The following ZRANB3 variants were observed in gnomAD, a reference collection of about 807,000 sequenced individuals.
ZRANB3 encodes the protein zinc finger RANBP2-type containing 3, also known as DNA annealing helicase and endonuclease ZRANB3.
A neutral mutation model predicts 133.8 loss-of-function variants in ZRANB3; 125 were observed. The observed-to-expected ratio is 0.93, with a 90% CI of 0.81 to 1.08. The LOEUF (loss-of-function observed/expected upper bound fraction) is 1.08. ZRANB3 is among the 50% of genes least tolerant of loss of function. The pLI is 0.00. For missense variants in ZRANB3, 1,229 were observed against 1,275.5 expected, an observed-to-expected ratio of 0.96 and a Z score of 0.56; for synonymous variants, 387 against 432.7, an observed-to-expected ratio of 0.89 and a Z score of 1.31.
At chr2:135,414,162 T>C (rs573886365) in intron 2 of ZRANB3, among the ~76,000 whole-genome samples, 86 of 152,136 alleles carry the variant, frequency 5.7e-4, no homozygotes, top group Admixed American at 3.8e-3. Context: ...GACTGGCAAA[T>C]TGGATAAAGA....
intron 2 of ZRANB3, among the ~76,000 whole-genome samples, chr2:135,422,385 T>G (rs1688899192): frequency 6.6e-6 from 1 of 152,182 alleles, no homozygotes; most frequent in Non-Finnish European, 1.5e-5. Flanking sequence ...TTTATTAGAC[T>G]TCTCAGCATC....
At chr2:135,268,161 T>C (rs1311812983) in intron 11 of ZRANB3, among the ~76,000 whole-genome samples, 1 of 152,092 alleles carries the variant, frequency 6.6e-6, no homozygotes, top group East Asian at 1.9e-4. Flanking sequence ...TCTAACCCTT[T>C]TTTTTTTCTT....
chr2:135,384,895 T>C (rs1283981682), intron 3 of ZRANB3, among the ~76,000 whole-genome samples: 1 of 152,148 alleles, frequency 6.6e-6, no homozygotes, highest in East Asian at 1.9e-4. Context: ...TCATACTGAA[T>C]GGGCAAAAAC....
At chr2:135,477,240 T>C (rs1259883997) in intron 2 of ZRANB3, among the ~76,000 whole-genome samples, 1 of 152,076 alleles carries the variant, frequency 6.6e-6, no homozygotes, top group Non-Finnish European at 1.5e-5. Context: ...AATATGAAAA[T>C]TACCCAAAAT....
intron 20 of ZRANB3, among the ~76,000 whole-genome samples, chr2:135,201,604 A>G (rs535411774): frequency 1.3e-5 from 2 of 151,440 alleles, no homozygotes; most frequent in African/African-American, 4.8e-5. Context: ...CAGTGAGCCG[A>G]GATCATGCTG....
intron 8 of ZRANB3, among the ~76,000 whole-genome samples, chr2:135,305,395 G>T (rs1682632163): frequency 6.6e-6 from 1 of 152,164 alleles, no homozygotes; most frequent in African/African-American, 2.4e-5. Context: ...CAGATGAAGT[G>T]AATTTCTTGT....
chr2:135,380,471 C>A (rs1686640607), intron 3 of ZRANB3, among the ~76,000 whole-genome samples: 1 of 152,144 alleles, frequency 6.6e-6, no homozygotes. Flanking sequence ...GTCTCTCAGA[C>A]CACAGTGCAA....
intron 2 of ZRANB3, among the ~76,000 whole-genome samples, chr2:135,470,804 CTTT>C (rs1433904778): frequency 2.2e-5 from 3 of 138,740 alleles, no homozygotes; most frequent in Admixed American, 7.3e-5. Context: ...AAATTTCTTT[CTTT>C]TTTTTTTTTT....
chr2:135,275,895 G>A, intron 8 of ZRANB3, 140 bp from the exon 9 acceptor site: 1 of 558,990 alleles, frequency 1.8e-6, no homozygotes, highest in African/African-American at 2.0e-5. Flanking sequence ...GGTAGCCTAA[G>A]GAAGTAGAAG....
intron 8 of ZRANB3, among the ~76,000 whole-genome samples, chr2:135,297,045 G>A (rs940350534): frequency 6.6e-6 from 1 of 152,242 alleles, no homozygotes; most frequent in African/African-American, 2.4e-5. Flanking sequence ...TGAGGAGGCA[G>A]TCTGCCCATT....
chr2:135,284,092 G>C (rs60989085), intron 8 of ZRANB3, among the ~76,000 whole-genome samples: 29,141 of 152,182 alleles, frequency 0.19, 3,744 homozygotes, highest in African/African-American at 0.34. Flanking sequence ...CACATGGACT[G>C]TGGAGCCAGA....
intron 3 of ZRANB3, among the ~76,000 whole-genome samples, chr2:135,383,844 G>C (rs1000782237): frequency 6.6e-6 from 1 of 152,124 alleles, no homozygotes; most frequent in South Asian, 2.1e-4. Flanking sequence ...ATTTAAAGCA[G>C]TGTGTAGAGG....
chr2:135,201,664 C>CAAAAAAAA (rs1286669177), intron 20 of ZRANB3, among the ~76,000 whole-genome samples: 1 of 66,928 alleles, frequency 1.5e-5, no homozygotes. Context: ...GACTCTGTCT[C>CAAAAAAAA]AAAAAAAAAA....
intron 1 of ZRANB3, among the ~76,000 whole-genome samples, chr2:135,530,068 A>C (rs1423476070): frequency 6.6e-6 from 1 of 151,666 alleles, no homozygotes; most frequent in East Asian, 2.0e-4. Context: ...TCTACTAAAA[A>C]TACAAAAAAT....
intron 1 of ZRANB3, 50 bp from the exon 2 acceptor site, chr2:135,504,546 T>TA: frequency 2.7e-6 from 4 of 1,478,606 alleles, no homozygotes; most frequent in Non-Finnish European, 3.7e-6. Context: ...AAATAGATAT[T>TA]ACTAAGTATG....
At chr2:135,430,599 T>C (rs1325335514) in intron 2 of ZRANB3, among the ~76,000 whole-genome samples, 1 of 152,164 alleles carries the variant, frequency 6.6e-6, no homozygotes, top group Non-Finnish European at 1.5e-5. Context: ...AGGTAGAATT[T>C]ACAGATAGAA....
chr2:135,432,889 C>A (rs948323827), intron 2 of ZRANB3, among the ~76,000 whole-genome samples: 2 of 152,194 alleles, frequency 1.3e-5, no homozygotes, highest in African/African-American at 4.8e-5. Context: ...AGAGGAAAAT[C>A]TCCCTTACCC....
At chr2:135,237,647 T>C (rs1390065220) in intron 12 of ZRANB3, among the ~76,000 whole-genome samples, 186 of 152,132 alleles carry the variant, frequency 1.2e-3, no homozygotes, top group Non-Finnish European at 2.3e-3. Flanking sequence ...TGTAGGGACA[T>C]GGATGAAGCT....
chr2:135,361,613 CT>C (rs1685697084), intron 3 of ZRANB3, among the ~76,000 whole-genome samples: 2 of 152,144 alleles, frequency 1.3e-5, no homozygotes, highest in African/African-American at 4.8e-5. Flanking sequence ...TTATAAGCAG[CT>C]TGTTCCTTTG....
Sources: allele counts gnomAD v4.1 joint callset (sites outside exome capture counted in the v4.1 genomes callset), GRCh38; gene constraint gnomAD v4.1.1; transcripts MANE v1.5; gene names NCBI Gene and HGNC (gene_info 2026-07-23, HGNC 2026-07-21).